SETD3: variants seen among roughly 807,000 people sequenced by gnomAD.
The protein encoded by SETD3 is actin-histidine N-methyltransferase.
A neutral mutation model predicts 63.0 loss-of-function variants in SETD3; 19 were observed. The ratio of observed to expected loss-of-function variants is 0.30; its 90% CI spans 0.21 to 0.44. SETD3 has a LOEUF of 0.44. SETD3 is among the 20% of genes least tolerant of loss of function. SETD3 has a pLI of 1.00. For synonymous variants in SETD3, 286 were observed against 264.1 expected, an observed-to-expected ratio of 1.08 and a Z score of -0.80; for missense variants, 587 against 728.5, an observed-to-expected ratio of 0.81 and a Z score of 2.24.
chr14:99,438,645 G>A (rs1893621987), intron 6 of SETD3, among the ~76,000 whole-genome samples: 1 of 152,134 alleles, frequency 6.6e-6, no homozygotes, highest in Non-Finnish European at 1.5e-5. Context: ...GTACTTCTCG[G>A]ATTCACCAGG....
chr14:99,434,762 G>C (rs2139699946), intron 6 of SETD3, among the ~76,000 whole-genome samples: 1 of 141,526 alleles, frequency 7.1e-6, no homozygotes, highest in Non-Finnish European at 1.5e-5. Flanking sequence ...AAGGAGAATT[G>C]CTTGAACCCG....
intron 6 of SETD3, among the ~76,000 whole-genome samples, chr14:99,451,490 T>C (rs1894457155): frequency 6.6e-6 from 1 of 152,164 alleles, no homozygotes; most frequent in Admixed American, 6.5e-5. Flanking sequence ...AGGTGTTGTA[T>C]CTTTTTTCTT....
At position 99,459,133 on chromosome 14, in the gene SETD3, G is replaced by T; in HGVS notation, c.398C>A (p.Ser133Tyr). The T allele has an allele frequency of 6.2e-7, 1 of 1,609,908 alleles. No individual in the cohort carries two copies. Among genetic ancestry groups the T allele is most frequent in the Non-Finnish European group, 8.5e-7 (1 of 1,178,380 alleles). ...VPRKLLMTVESAKNSVLGPLY... is the reference protein window; with the variant it reads ...VPRKLLMTVEYAKNSVLGPLY... The stretch of plus-strand genomic sequence containing the variant: ...CTCACCCAACACTGAATTTTTAGCA[G>T]ATTCAACAGTCATTAGCAATTTTCG... Residue 133 changes from serine to tyrosine, a missense_variant, in exon 5 of 13, where the codon TCT becomes TAT. Transcript: ENST00000331768.
At chr14:99,419,089 T>C (rs1278296657) in intron 6 of SETD3, among the ~76,000 whole-genome samples, 3 of 152,230 alleles carry the variant, frequency 2.0e-5, no homozygotes, top group South Asian at 2.1e-4. Context: ...ATGGTTCACA[T>C]GTTCAGCTCT....
At chr14:99,442,321 A>G (rs1464333308) in intron 6 of SETD3, among the ~76,000 whole-genome samples, 2 of 152,248 alleles carry the variant, frequency 1.3e-5, no homozygotes, top group African/African-American at 4.8e-5. Flanking sequence ...TTATTCATTC[A>G]ACAGACAATT....
At chr14:99,431,516 A>C (rs1458362820) in intron 6 of SETD3, among the ~76,000 whole-genome samples, 1 of 151,358 alleles carries the variant, frequency 6.6e-6, no homozygotes, top group Admixed American at 6.6e-5. Context: ...TCTGAGACAG[A>C]GTTTTGCTCT....
At chr14:99,406,334 A>G (rs1891680100) in intron 9 of SETD3, among the ~76,000 whole-genome samples, 182 bp downstream of exon 9, 1 of 152,258 alleles carries the variant, frequency 6.6e-6, no homozygotes, top group South Asian at 2.1e-4. Flanking sequence ...ACAAGTGAGT[A>G]AAGCACAAGT....
intron 6 of SETD3, among the ~76,000 whole-genome samples, chr14:99,433,142 C>T (rs1893274495): frequency 6.6e-6 from 1 of 152,086 alleles, no homozygotes; most frequent in Non-Finnish European, 1.5e-5. Context: ...GGAGTTAATA[C>T]TTAACAGTCA....
intron 6 of SETD3, among the ~76,000 whole-genome samples, chr14:99,436,807 C>T (rs745661983): frequency 1.3e-5 from 2 of 152,154 alleles, no homozygotes; most frequent in Non-Finnish European, 2.9e-5. Context: ...TTTTTTTATC[C>T]AGTAAGTGTT....
intron 6 of SETD3, among the ~76,000 whole-genome samples, chr14:99,453,224 T>C (rs1017327889): frequency 6.6e-6 from 1 of 152,212 alleles, no homozygotes; most frequent in Non-Finnish European, 1.5e-5. Flanking sequence ...GGTTTGGTAC[T>C]GAGATGAGAA....
intron 10 of SETD3, among the ~76,000 whole-genome samples, chr14:99,404,702 T>C (rs1891587368): frequency 6.6e-6 from 1 of 152,228 alleles, no homozygotes; most frequent in Non-Finnish European, 1.5e-5. Context: ...AAGGTCTGCA[T>C]AATCCATTTT....
At chr14:99,447,369 A>C (rs1290516927) in intron 6 of SETD3, among the ~76,000 whole-genome samples, 1 of 152,262 alleles carries the variant, frequency 6.6e-6, no homozygotes, top group Non-Finnish European at 1.5e-5. Context: ...TGAAGTCTCC[A>C]TGTGATCTAT....
chr14:99,463,723 A>G, intron 2 of SETD3, 145 bp from the exon 3 acceptor site: 1 of 655,956 alleles, frequency 1.5e-6, no homozygotes, highest in Non-Finnish European at 2.6e-6. Flanking sequence ...AGCCATGATA[A>G]TGAATGTGAG....
intron 1 of SETD3, among the ~76,000 whole-genome samples, chr14:99,468,088 AG>A (rs1273928986): frequency 6.6e-6 from 1 of 151,838 alleles, no homozygotes; most frequent in Non-Finnish European, 1.5e-5. Context: ...GTCATGCATC[AG>A]GTAAGAGGTA....
intron 10 of SETD3, 129 bp from the exon 11 acceptor site, chr14:99,404,439 G>C (rs1053609564): frequency 2.6e-6 from 2 of 764,742 alleles, no homozygotes; most frequent in Non-Finnish European, 4.3e-6. Context: ...GGTCATTCCA[G>C]CTCCTCATCT....
At chr14:99,449,574 G>A (rs915762633) in intron 6 of SETD3, among the ~76,000 whole-genome samples, 1 of 152,150 alleles carries the variant, frequency 6.6e-6, no homozygotes, top group Admixed American at 6.5e-5. Context: ...CAAAAGTGCC[G>A]GGGTCATGAA....
rs111720349 is a variant in SETD3, at chr14:99,448,096, C to G, written c.675+10183G>C. On this transcript the variant is annotated intron_variant, in intron 6 of 12. Coordinates refer to ENST00000331768, the MANE Select transcript of SETD3 (RefSeq NM_032233.3). ...AAGACTAAGACAGTGGTTTGGTGAG[C>G]CCCTGTGGCTAGGAGCACAGGCTTT... Among the ~76,000 whole-genome samples the G allele has an allele frequency of 3.3e-5, 5 of 152,314 alleles. 1 individual carries two copies. The highest frequency in any genetic ancestry group is 1.2e-4 in the African/African-American group (5 of 41,568).
intron 2 of SETD3, among the ~76,000 whole-genome samples, chr14:99,464,250 A>G (rs1238717148): frequency 4.6e-5 from 7 of 152,320 alleles, no homozygotes; most frequent in African/African-American, 1.4e-4. Context: ...CACCCCGCCT[A>G]TTGGCAGCTC....
intron 6 of SETD3, among the ~76,000 whole-genome samples, chr14:99,424,416 A>G (rs902678445): frequency 2.0e-5 from 3 of 152,188 alleles, no homozygotes; most frequent in Non-Finnish European, 4.4e-5. Flanking sequence ...CCCAGAGGGC[A>G]TCACACTTCA....
Sources: allele counts gnomAD v4.1 joint callset (sites outside exome capture counted in the v4.1 genomes callset), GRCh38; gene constraint gnomAD v4.1.1; transcripts MANE v1.5; gene names NCBI Gene and HGNC (gene_info 2026-07-23, HGNC 2026-07-21).